The following RBMS3 variants were observed in gnomAD, a reference collection of about 807,000 sequenced individuals.
RBMS3 encodes RNA binding motif single stranded interacting protein 3.
Under a neutral mutation model 66.8 loss-of-function variants are expected in RBMS3, and 27 were observed. The ratio of observed to expected loss-of-function variants is 0.40; its 90% CI spans 0.30 to 0.56. RBMS3 has a LOEUF of 0.56. RBMS3 is among the 20% of genes least tolerant of loss of function. RBMS3 has a pLI of 0.40. For synonymous variants in RBMS3, 188 were observed against 183.0 expected, an observed-to-expected ratio of 1.03 and a Z score of -0.22; for missense variants, 513 against 549.5, an observed-to-expected ratio of 0.93 and a Z score of 0.66.
chr3:29,972,294 C>T, intron 12 of RBMS3, among the ~76,000 whole-genome samples: 1 of 152,044 alleles, frequency 6.6e-6, no homozygotes, highest in East Asian at 1.9e-4. Context: ...ATTGTACTCA[C>T]ATGGATAGAG....
intron 6 of RBMS3, among the ~76,000 whole-genome samples, chr3:29,792,494 T>G (rs1251354070): frequency 6.6e-6 from 1 of 152,192 alleles, no homozygotes; most frequent in Non-Finnish European, 1.5e-5. Context: ...TACCTTGGGC[T>G]GTCTTAAAAA....
intron 6 of RBMS3, among the ~76,000 whole-genome samples, chr3:29,794,955 C>G (rs552822890): frequency 6.6e-6 from 1 of 152,296 alleles, no homozygotes; most frequent in East Asian, 1.9e-4. Flanking sequence ...CTCTATGCTT[C>G]CCATTCTCAA....
At chr3:29,323,521 G>T (rs953500356) in intron 1 of RBMS3, among the ~76,000 whole-genome samples, 1 of 151,882 alleles carries the variant, frequency 6.6e-6, no homozygotes, top group African/African-American at 2.4e-5. Flanking sequence ...TCTTTATATG[G>T]CCTAAAAATG....
intron 13 of RBMS3, among the ~76,000 whole-genome samples, chr3:29,989,170 T>C (rs183680733): frequency 1.9e-4 from 29 of 152,318 alleles, no homozygotes; most frequent in Non-Finnish European, 3.2e-4. Flanking sequence ...ATATCATGAA[T>C]GATGATGTCA....
At position 29,304,025 on chromosome 3, in the gene RBMS3, T is replaced by G. The variant is rs566813615; in HGVS notation, c.75+22269T>G. On this transcript the variant is annotated intron_variant, in intron 1 of 14. Coordinates refer to ENST00000383767, the MANE Select transcript of RBMS3 (RefSeq NM_001003793.3). The stretch of plus-strand genomic sequence containing the variant: ...GGGGAAACTGCCCCCATGATTCAAA[T>G]TATCTCCCACCAGGTCCCTCCCACA... Among the ~76,000 whole-genome samples the G allele has an allele frequency of 5.3e-5, 8 of 152,060 alleles. No homozygotes were observed. The East Asian group carries it at 1.6e-3, about 30-fold the overall frequency.
chr3:29,887,336 C>G (rs1277168459), intron 8 of RBMS3, among the ~76,000 whole-genome samples: 2 of 151,774 alleles, frequency 1.3e-5, no homozygotes, highest in Non-Finnish European at 2.9e-5. Context: ...TCCTCATAAT[C>G]CCCATGTGTC....
At chr3:29,626,708 A>G (rs1423736024) in intron 4 of RBMS3, among the ~76,000 whole-genome samples, 1 of 151,088 alleles carries the variant, frequency 6.6e-6, no homozygotes, top group African/African-American at 2.4e-5. Flanking sequence ...CAGGATAGAT[A>G]TAAATGCCAA....
intron 3 of RBMS3, among the ~76,000 whole-genome samples, chr3:29,577,897 G>T (rs1258266700): frequency 6.6e-6 from 1 of 152,150 alleles, no homozygotes; most frequent in Non-Finnish European, 1.5e-5. Context: ...CTGAGTTTTG[G>T]TCCTTGAGAT....
intron 3 of RBMS3, among the ~76,000 whole-genome samples, chr3:29,542,617 T>C (rs2045807821): frequency 1.3e-5 from 2 of 152,196 alleles, no homozygotes; most frequent in Non-Finnish European, 2.9e-5. Flanking sequence ...TGCCTTGGCC[T>C]TCCAAAGTGC....
chr3:29,858,280 T>C (rs535072618), intron 6 of RBMS3, among the ~76,000 whole-genome samples: 1 of 152,300 alleles, frequency 6.6e-6, no homozygotes, highest in South Asian at 2.1e-4. Flanking sequence ...TTGTACCTCT[T>C]TCTAATAAAA....
chr3:29,683,241 AT>A lies in RBMS3; in HGVS notation c.400-56475del, dbSNP rs758257544. Among the ~76,000 whole-genome samples the A allele has an allele frequency of 6.9e-4, 105 of 152,294 alleles. No individual in the cohort carries two copies. In the Middle Eastern group the frequency reaches 0.01, roughly 15 times the overall value. ...GGTGTGAGTTGCTTTGCTCAAGATC[AT>A]TTTCAATGACTCAATTTTCAAAGCA... is the stretch of plus-strand genomic sequence containing the variant. On this transcript the variant is annotated intron_variant, in intron 4 of 14. Transcript: ENST00000383767.
intron 4 of RBMS3, among the ~76,000 whole-genome samples, chr3:29,653,737 C>T (rs1419511144): frequency 6.6e-6 from 1 of 152,090 alleles, no homozygotes; most frequent in African/African-American, 2.4e-5. Context: ...ACAGCGATTC[C>T]TCCACCCCCA....
intron 11 of RBMS3, among the ~76,000 whole-genome samples, chr3:29,943,118 T>C (rs1577212155): frequency 6.6e-6 from 1 of 151,822 alleles, no homozygotes; most frequent in South Asian, 2.1e-4. Context: ...GTGATTAAAA[T>C]TGACCTTTTG....
chr3:30,000,696 AT>A (rs1455565082), intron 14 of RBMS3, among the ~76,000 whole-genome samples: 1 of 152,204 alleles, frequency 6.6e-6, no homozygotes, highest in Non-Finnish European at 1.5e-5. Flanking sequence ...ACACCATGGA[AT>A]ACCATGCAGT....
chr3:29,334,718 C>G (rs532599813), intron 1 of RBMS3, among the ~76,000 whole-genome samples: 1 of 152,106 alleles, frequency 6.6e-6, no homozygotes, highest in Non-Finnish European at 1.5e-5. Flanking sequence ...TCCTGCATTG[C>G]GCTTTAAAGA....
chr3:29,591,292 C>T (rs534364152), intron 4 of RBMS3, among the ~76,000 whole-genome samples: 2 of 152,148 alleles, frequency 1.3e-5, no homozygotes, highest in Non-Finnish European at 2.9e-5. Context: ...CTCCAACAGG[C>T]CCATGGCTCC....
At chr3:29,723,067 C>T (rs71321103) in intron 4 of RBMS3, among the ~76,000 whole-genome samples, 20 of 151,600 alleles carry the variant, frequency 1.3e-4, no homozygotes, top group African/African-American at 4.6e-4. Context: ...CCTCCGCCTC[C>T]CAGGTTCAAG....
intron 4 of RBMS3, among the ~76,000 whole-genome samples, chr3:29,610,937 A>C (rs1206138774): frequency 1.3e-5 from 2 of 152,080 alleles, no homozygotes; most frequent in Non-Finnish European, 2.9e-5. Context: ...GGAAAAAAAA[A>C]ATCATCCTTC....
At chr3:29,451,198 GA>G (rs1297933203) in intron 2 of RBMS3, among the ~76,000 whole-genome samples, 30 of 152,130 alleles carry the variant, frequency 2.0e-4, no homozygotes, top group Non-Finnish European at 3.5e-4. Flanking sequence ...GCATTCCACA[GA>G]ACCAACACTT....
Sources: gnomAD v4.1 joint callset for allele counts (sites outside exome capture counted in the v4.1 genomes callset) on GRCh38, gnomAD v4.1.1 for gene constraint, MANE v1.5 for transcripts, NCBI Gene and HGNC (gene_info 2026-07-23, HGNC 2026-07-21) for gene names.